The following LIN7A variants were observed in gnomAD, a reference collection of about 807,000 sequenced individuals.
LIN7A encodes lin-7 cell polarity scaffold A, also known as protein lin-7 homolog A.
Under a neutral mutation model 29.8 loss-of-function variants are expected in LIN7A, and 25 were observed. The ratio of observed to expected loss-of-function variants is 0.84; its 90% CI spans 0.61 to 1.17. The LOEUF is 1.17. LIN7A is among the 50% of genes most tolerant of loss of function. The pLI, the probability that LIN7A is intolerant of heterozygous loss-of-function variation, is 0.00. For synonymous variants in LIN7A, 118 were observed against 107.5 expected (o/e 1.10, Z -0.60); for missense variants, 239 against 287.0 (o/e 0.83, Z 1.21).
intron 5 of LIN7A, among the ~76,000 whole-genome samples, chr12:80,806,930 C>G (rs947066023): frequency 6.6e-6 from 1 of 152,128 alleles, no homozygotes; most frequent in Admixed American, 6.5e-5. Flanking sequence ...GGCACAAATA[C>G]AAATTTCATG....
At position 80,842,223 on chromosome 12, in the gene LIN7A, A is replaced by T. The variant is rs576303321; in HGVS notation, c.483+3507T>A. The T allele has an allele frequency of 3.2e-5, 27 of 857,056 alleles. No individual in the cohort carries two copies. The South Asian group carries it at 4.4e-4, about 14-fold the overall frequency. 53.1% of individuals were successfully genotyped at this position (857,056 alleles called of 1,614,324 possible). Reference sequence around the variant, plus strand: ...TTTCCATCACACTTTATAACCTAACATTCCATGTTAATAGTTCTGTGTGTG... The same window carrying T: ...TTTCCATCACACTTTATAACCTAACTTTCCATGTTAATAGTTCTGTGTGTG... On this transcript the variant is annotated intron_variant, in intron 4 of 5. Coordinates refer to ENST00000552864, the MANE Select transcript of LIN7A (RefSeq NM_004664.4).
chr12:80,907,100 G>GTGTGTGTGTTA (rs1876525385), intron 1 of LIN7A, among the ~76,000 whole-genome samples: 1 of 65,860 alleles, frequency 1.5e-5, no homozygotes, highest in Non-Finnish European at 4.3e-5. Flanking sequence ...TGTGTGTGTT[G>GTGTGTGTGTTA]AGGATTAAAT....
chr12:80,862,970 A>G (rs1014595358), intron 2 of LIN7A, among the ~76,000 whole-genome samples: 1 of 152,212 alleles, frequency 6.6e-6, no homozygotes, highest in Non-Finnish European at 1.5e-5. Context: ...CACAGAGAGG[A>G]GTTTTCCATT....
At chr12:80,835,298 T>G (rs1274752024) in intron 4 of LIN7A, among the ~76,000 whole-genome samples, 3 of 152,216 alleles carry the variant, frequency 2.0e-5, no homozygotes, top group Non-Finnish European at 2.9e-5. Context: ...AAGTCTTATC[T>G]TTTAATGCTG....
chr12:80,882,248 A>G (rs1369006106), intron 2 of LIN7A, among the ~76,000 whole-genome samples: 1 of 148,378 alleles, frequency 6.7e-6, no homozygotes, highest in Non-Finnish European at 1.5e-5. Context: ...CGATCATATC[A>G]TCTGTGAGTA....
chr12:80,920,187 A>C (rs1386976258), intron 1 of LIN7A, among the ~76,000 whole-genome samples: 2 of 152,222 alleles, frequency 1.3e-5, no homozygotes, highest in Admixed American at 1.3e-4. Context: ...ATTTGTGAGT[A>C]AATGAGCGTG....
chr12:80,858,036 G>C (rs1873689639), intron 2 of LIN7A, among the ~76,000 whole-genome samples: 1 of 152,056 alleles, frequency 6.6e-6, no homozygotes, highest in Admixed American at 6.6e-5. Context: ...TGGCTTTGTG[G>C]GAGCTCAGTA....
rs767650951 is a variant in LIN7A at position 80,811,582 on chromosome 12, T to C, written c.585A>G (p.Glu195=). Residue 195 remains glutamate (E), a synonymous_variant, in exon 5 of 6, where the codon GAA becomes GAG. Coordinates refer to ENST00000552864, the MANE Select transcript of LIN7A (RefSeq NM_004664.4). ...VVRYTPKVLE[E]MEARFEKLRT... is the part of the protein sequence containing the mutation. ...GTAGCTTTTCAAAGCGAGCCTCCAT[T>C]TCTTCCAGAACTTTTGGGGTGTATC... The C allele has an allele frequency of 2.1e-5, 34 of 1,614,004 alleles. No homozygotes were observed. In the East Asian group the frequency reaches 7.4e-4, roughly 35 times the overall value.
chr12:80,812,489 A>C (rs939606670), intron 4 of LIN7A, among the ~76,000 whole-genome samples: 3 of 150,238 alleles, frequency 2.0e-5, no homozygotes, highest in African/African-American at 7.3e-5. Flanking sequence ...AAACCAGAAA[A>C]ACAGTTTCAG....
chr12:80,810,343 A>G (rs1333330251), intron 5 of LIN7A, among the ~76,000 whole-genome samples: 1 of 152,112 alleles, frequency 6.6e-6, no homozygotes, highest in Non-Finnish European at 1.5e-5. Flanking sequence ...CCACGCTGAC[A>G]AAAATGACAT....
chr12:80,826,999 T>A (rs1872110648), intron 4 of LIN7A, among the ~76,000 whole-genome samples: 1 of 152,236 alleles, frequency 6.6e-6, no homozygotes, highest in Non-Finnish European at 1.5e-5. Context: ...TGAAGAGGGC[T>A]GACTTTAAAG....
chr12:80,813,555 C>CA (rs1449982984), intron 4 of LIN7A, among the ~76,000 whole-genome samples: 1 of 151,924 alleles, frequency 6.6e-6, no homozygotes, highest in Admixed American at 6.6e-5. Context: ...ATACAGAAAA[C>CA]AAAAAACAAA....
chr12:80,826,743 G>A (rs1433712334), intron 4 of LIN7A, among the ~76,000 whole-genome samples: 1 of 152,044 alleles, frequency 6.6e-6, no homozygotes, highest in Admixed American at 6.5e-5. Context: ...GGTTGGTCTC[G>A]AGCTCCTGAC....
At chr12:80,924,730 T>C (rs1036736564) in intron 1 of LIN7A, among the ~76,000 whole-genome samples, 2 of 152,208 alleles carry the variant, frequency 1.3e-5, no homozygotes, top group South Asian at 2.1e-4. Flanking sequence ...AAAGTCACTC[T>C]TGGTTATATT....
chr12:80,833,512 C>A (rs1459880247), intron 4 of LIN7A, among the ~76,000 whole-genome samples: 1 of 152,202 alleles, frequency 6.6e-6, no homozygotes, highest in African/African-American at 2.4e-5. Context: ...TTCACACACC[C>A]TATGCCCACA....
At chr12:80,823,140 G>A (rs1204774535) in intron 4 of LIN7A, among the ~76,000 whole-genome samples, 1 of 152,158 alleles carries the variant, frequency 6.6e-6, no homozygotes, top group Non-Finnish European at 1.5e-5. Flanking sequence ...CTCTCCACTT[G>A]TCTACCTACC....
chr12:80,880,755 A>G (rs879497426), intron 2 of LIN7A, among the ~76,000 whole-genome samples: 26 of 117,132 alleles, frequency 2.2e-4, no homozygotes, highest in Non-Finnish European at 4.5e-4. Context: ...GGCAACGCAC[A>G]CACACACACA....
chr12:80,821,313 T>C (rs1871796405), intron 4 of LIN7A, among the ~76,000 whole-genome samples: 1 of 152,180 alleles, frequency 6.6e-6, no homozygotes, highest in Non-Finnish European at 1.5e-5. Context: ...GCATCAGGCC[T>C]GGGCAAACTA....
At chr12:80,847,107 T>A (rs1038625016) in intron 3 of LIN7A, among the ~76,000 whole-genome samples, 2 of 152,210 alleles carry the variant, frequency 1.3e-5, no homozygotes, top group African/African-American at 2.4e-5. Flanking sequence ...GCAAACCTCA[T>A]TGTCATGCAT....
Sources: allele counts gnomAD v4.1 joint callset (sites outside exome capture counted in the v4.1 genomes callset), GRCh38; gene constraint gnomAD v4.1.1; transcripts MANE v1.5; gene names NCBI Gene and HGNC (gene_info 2026-07-23, HGNC 2026-07-21).